Variants in RIPOR2 observed in about 807,000 individuals in gnomAD.
RIPOR2 encodes the protein RHO family interacting cell polarization regulator 2, also known as rho family-interacting cell polarization regulator 2.
RIPOR2 carries 39 observed loss-of-function variants against 114.5 expected under a neutral mutation model. That is an observed-to-expected ratio of 0.34 (90% CI 0.26 to 0.44). RIPOR2 has a LOEUF of 0.44. RIPOR2 is among the 20% of genes least tolerant of loss of function. The pLI is 1.00. For missense variants in RIPOR2, 1,007 were observed against 1,255.1 expected (o/e 0.80, Z 2.99); for synonymous variants, 445 against 484.4 (o/e 0.92, Z 1.07).
At chr6:24,888,797 T>C (rs1767067285) in intron 1 of RIPOR2, among the ~76,000 whole-genome samples, 1 of 152,214 alleles carries the variant, frequency 6.6e-6, no homozygotes, top group Admixed American at 6.5e-5. Context: ...ATTAATTTCT[T>C]TCTGTCCATC....
At chr6:25,030,135 A>T (rs777984804) in intron 1 of RIPOR2, among the ~76,000 whole-genome samples, 1 of 151,936 alleles carries the variant, frequency 6.6e-6, no homozygotes, top group African/African-American at 2.4e-5. Flanking sequence ...TGTCTGTGTC[A>T]GCCTGGCTGC....
At chr6:24,868,200 A>G (rs151158299) in intron 6 of RIPOR2, among the ~76,000 whole-genome samples, 215 of 152,322 alleles carry the variant, frequency 1.4e-3, no homozygotes, top group African/African-American at 4.5e-3. Flanking sequence ...ATTTTAAACC[A>G]GAAAGGATTC....
At position 25,005,740 on chromosome 6, in the gene RIPOR2, T is replaced by TATATATATATATATAC. The variant is rs1491374316; in HGVS notation, c.76+36110_76+36111insGTATATATATATATAT. Among the ~76,000 whole-genome samples, 20 of 104,516 alleles carry TATATATATATATATAC rather than the reference T, an allele frequency of 1.9e-4. 1 individual carries two copies. The highest frequency in any genetic ancestry group is 7.7e-4 in the East Asian group (2 of 2,608). 68.6% of individuals were successfully genotyped at this position (104,516 alleles called of 152,430 possible). ...ATATATATATATATATATATATATA[T>TATATATATATATATAC]ACATTTACCGATCAAAAGATATGCC... is the stretch of plus-strand genomic sequence containing the variant. On this transcript the variant is annotated intron_variant, in intron 1 of 13. Transcript: ENST00000510784.
At chr6:24,808,180 G>A (rs1032149800) in intron 21 of RIPOR2, among the ~76,000 whole-genome samples, 1 of 152,236 alleles carries the variant, frequency 6.6e-6, no homozygotes, top group Non-Finnish European at 1.5e-5. Flanking sequence ...TGCATGAAGA[G>A]CTAAGGTGAA....
At chr6:24,845,132 CCTCTACAAG>C (rs2113746211) in intron 12 of RIPOR2, among the ~76,000 whole-genome samples, 1 of 152,168 alleles carries the variant, frequency 6.6e-6, no homozygotes, top group South Asian at 2.1e-4. Flanking sequence ...ACTTGAGTAA[CCTCTACAAG>C]CTCTGTCTCT....
intron 1 of RIPOR2, among the ~76,000 whole-genome samples, chr6:25,016,630 C>T (rs1328597042): frequency 2.6e-5 from 4 of 152,110 alleles, no homozygotes; most frequent in African/African-American, 4.8e-5. Context: ...ATGGAGTTAG[C>T]GTCACAAGCA....
intron 1 of RIPOR2, among the ~76,000 whole-genome samples, chr6:24,972,675 T>G (rs432006): frequency 0.82 from 125,386 of 152,176 alleles, 54,409 homozygotes; most frequent in East Asian, 0.96. Context: ...ATATAACAAA[T>G]AACTCTCCAG....
At chr6:24,976,178 A>G (rs1384166903) in intron 1 of RIPOR2, among the ~76,000 whole-genome samples, 4 of 152,198 alleles carry the variant, frequency 2.6e-5, no homozygotes, top group Non-Finnish European at 5.9e-5. Flanking sequence ...ACAAGGAAAA[A>G]GAATATGTGC....
intron 1 of RIPOR2, among the ~76,000 whole-genome samples, chr6:25,018,686 A>G (rs1561846360): frequency 6.6e-6 from 1 of 152,226 alleles, no homozygotes; most frequent in African/African-American, 2.4e-5. Context: ...TAAGATCTCG[A>G]TTAGATTTTA....
At chr6:24,938,767 A>G (rs148343369), upstream of RIPOR2, among the ~76,000 whole-genome samples, 1 of 152,294 alleles carries the variant, frequency 6.6e-6, no homozygotes, top group African/African-American at 2.4e-5. Flanking sequence ...CAAATCACAA[A>G]TGCTACCACG....
chr6:24,895,880 A>G (rs1421524340), intron 1 of RIPOR2, among the ~76,000 whole-genome samples: 1 of 152,160 alleles, frequency 6.6e-6, no homozygotes, highest in Admixed American at 6.5e-5. Context: ...AGTCCCAGCT[A>G]CTAGGGAGGC....
Position 24,954,455 on chromosome 6 carries a change from C to CTTTTTTTTTTTTTTTTTTTTTTTTTT in RIPOR2, c.77-78639_77-78638insAAAAAAAAAAAAAAAAAAAAAAAAAA, listed in dbSNP as rs372356246. ...AACTGTGCAGGCCCAGTCTCTCTCT[C>CTTTTTTTTTTTTTTTTTTTTTTTTTT]CTTTTTTTTTTTTTTTTTGAGACAG... On this transcript the variant is annotated intron_variant, in intron 1 of 13. Transcript: ENST00000510784. 4.3e-5 allele frequency among the ~76,000 whole-genome samples: 5 copies of CTTTTTTTTTTTTTTTTTTTTTTTTTT among 116,252 alleles called. 2 individuals carry two copies. Among genetic ancestry groups the CTTTTTTTTTTTTTTTTTTTTTTTTTT allele is most frequent in the Non-Finnish European group, 3.4e-5 (2 of 58,480 alleles). The allele number at this position is 116,252 out of a possible 152,430, so 76.3% of individuals were successfully genotyped here.
At position 24,962,415 on chromosome 6, in the gene RIPOR2, A is replaced by G. The variant is rs181179392; in HGVS notation, c.76+79436T>C. Among the ~76,000 whole-genome samples, 35 of 152,334 alleles carry G rather than the reference A, an allele frequency of 2.3e-4. No individual in the cohort carries two copies. In the East Asian group the frequency reaches 6.6e-3, roughly 29 times the overall value. On this transcript the variant is annotated intron_variant, in intron 1 of 13. Coordinates refer to the RIPOR2 transcript ENST00000510784. The stretch of plus-strand genomic sequence containing the variant: ...AGTTTGGAGGTCGGGGAGAATAATT[A>G]GAAGGCAATAATAAAGCTTGCATCT...
chr6:24,851,713 T>C (rs1378623381), intron 9 of RIPOR2, among the ~76,000 whole-genome samples: 1 of 151,300 alleles, frequency 6.6e-6, no homozygotes, highest in Admixed American at 6.6e-5. Context: ...ATGGTACTTA[T>C]GATCAGCCAT....
intron 1 of RIPOR2, among the ~76,000 whole-genome samples, chr6:25,013,628 G>A (rs780717035): frequency 2.0e-5 from 3 of 152,102 alleles, no homozygotes; most frequent in East Asian, 3.8e-4. Flanking sequence ...CAAACTTAAC[G>A]GAAATGTAAA....
intron 1 of RIPOR2, among the ~76,000 whole-genome samples, chr6:24,918,372 T>C (rs1770244441): frequency 6.6e-6 from 1 of 152,262 alleles, no homozygotes; most frequent in African/African-American, 2.4e-5. Context: ...TTTAAAAATA[T>C]TTCTTCTTCA....
chr6:25,005,736 T>TACACAC (rs1473062786), intron 1 of RIPOR2, among the ~76,000 whole-genome samples: 42 of 100,238 alleles, frequency 4.2e-4, no homozygotes, highest in African/African-American at 1.5e-3. Context: ...TATATATATA[T>TACACAC]ATATACATTT....
At chr6:24,952,977 G>A (rs758770636) in intron 1 of RIPOR2, among the ~76,000 whole-genome samples, 9 of 152,178 alleles carry the variant, frequency 5.9e-5, no homozygotes, top group Non-Finnish European at 8.8e-5. Context: ...GTGTCTCCCC[G>A]AATTTCATAT....
intron 1 of RIPOR2, among the ~76,000 whole-genome samples, chr6:24,975,057 A>C (rs1428668601): frequency 1.3e-5 from 2 of 152,230 alleles, no homozygotes; most frequent in Non-Finnish European, 2.9e-5. Context: ...AAAATATTCT[A>C]AAATTGATCA....
Sources: gnomAD v4.1 joint callset for allele counts (sites outside exome capture counted in the v4.1 genomes callset) on GRCh38, gnomAD v4.1.1 for gene constraint, MANE v1.5 for transcripts, NCBI Gene and HGNC (gene_info 2026-07-23, HGNC 2026-07-21) for gene names.